Variants in TMEM17 observed in about 807,000 individuals in gnomAD.
TMEM17 encodes transmembrane protein 17.
Under a neutral mutation model 19.1 loss-of-function variants are expected in TMEM17, and 15 were observed. The ratio of observed to expected loss-of-function variants is 0.78; its 90% CI spans 0.52 to 1.21. The LOEUF (loss-of-function observed/expected upper bound fraction) is 1.21, where lower values mean the gene tolerates loss of function less well. Among genes scored for constraint, TMEM17 ranks in the 50% most tolerant of loss-of-function variants. The pLI is 0.00. For synonymous variants in TMEM17, 103 were observed against 86.9 expected (o/e 1.19, Z -1.03); for missense variants, 245 against 242.3 (o/e 1.01, Z -0.07).
At chr2:62,463,867 G>C in the TMEM17 span, 3 of 152,182 alleles carry the variant, frequency 2.0e-5, no homozygotes, top group African/African-American at 7.2e-5. Flanking sequence ...AGAAGCAGCG[G>C]GACATCAGGA....
At chr2:62,466,918 T>C in the TMEM17 span, among the ~76,000 whole-genome samples, 5 of 152,154 alleles carry the variant, frequency 3.3e-5, no homozygotes, top group African/African-American at 1.2e-4. Flanking sequence ...TGGCATCACC[T>C]GGGGACTCCT....
the TMEM17 span, among the ~76,000 whole-genome samples, chr2:62,481,382 CA>C: frequency 6.6e-6 from 1 of 152,168 alleles, no homozygotes; most frequent in Non-Finnish European, 1.5e-5. Context: ...ACGTTGTCTG[CA>C]ACTGACTTCC....
At chr2:62,461,991 G>T in the TMEM17 span, among the ~76,000 whole-genome samples, 1 of 152,244 alleles carries the variant, frequency 6.6e-6, no homozygotes, top group Admixed American at 6.5e-5. Context: ...CAGTGGGCTG[G>T]CATTACTGTA....
chr2:62,478,537 C>A, the TMEM17 span, among the ~76,000 whole-genome samples: 1 of 152,216 alleles, frequency 6.6e-6, no homozygotes, highest in Non-Finnish European at 1.5e-5. Context: ...TTTGAGGCAA[C>A]TAGACTGAAA....
the TMEM17 span, among the ~76,000 whole-genome samples, chr2:62,454,572 T>C: frequency 1.1e-4 from 17 of 152,346 alleles, no homozygotes; most frequent in Admixed American, 2.0e-4. Flanking sequence ...TCCATCATAC[T>C]GTAGGTTTTG....
At chr2:62,464,616 G>T in the TMEM17 span, among the ~76,000 whole-genome samples, 1 of 152,202 alleles carries the variant, frequency 6.6e-6, no homozygotes, top group Non-Finnish European at 1.5e-5. Flanking sequence ...AGACAGAGCC[G>T]ATTTATCAAG....
In TMEM17 at chr2:62,501,250, C is replaced by T. The variant is rs112787946; in HGVS notation, c.556G>A (p.Gly186Arg). ...CATGACCTCATCCTTCTCATGTCTC[C>T]TCTGTTTGCAGAGAGCCGGTCAAAG... ...QDFDRLSANR[G>R]DMRRMRSCIE... Residue 186 changes from glycine to arginine, a missense_variant, in exon 4 of 4, where the codon GGA (glycine) becomes AGA (arginine). Physicochemically the swap from Gly to Arg is moderately radical, Grantham distance 125 (BLOSUM62 -2). Coordinates refer to ENST00000335390, the MANE Select transcript of TMEM17 (RefSeq NM_198276.3). 5 of 1,614,072 alleles carry T rather than the reference C, an allele frequency of 3.1e-6. No individual in the cohort carries two copies. In the African/African-American group the frequency reaches 6.7e-5, roughly 22 times the overall value.
chr2:62,489,059 G>T, the TMEM17 span, among the ~76,000 whole-genome samples: 2 of 152,142 alleles, frequency 1.3e-5, no homozygotes, highest in South Asian at 2.1e-4. Flanking sequence ...ATCCCCTCAG[G>T]TATGAAAATG....
the TMEM17 span, among the ~76,000 whole-genome samples, chr2:62,487,882 C>A: frequency 4.6e-5 from 7 of 152,118 alleles, no homozygotes; most frequent in African/African-American, 1.7e-4. Flanking sequence ...TTAGTAGAGA[C>A]GGAGGTTTCA....
chr2:62,505,199 T>G (rs988657978), intron 1 of TMEM17, among the ~76,000 whole-genome samples: 2 of 152,096 alleles, frequency 1.3e-5, no homozygotes, highest in African/African-American at 4.8e-5. Flanking sequence ...CCCAGCAGAG[T>G]TGAATGATGA....
chr2:62,484,176 T>G, the TMEM17 span, among the ~76,000 whole-genome samples: 1 of 152,382 alleles, frequency 6.6e-6, no homozygotes, highest in East Asian at 1.9e-4. Context: ...CCAGACCATC[T>G]GCAGGGCCCT....
chr2:62,498,971 G>T (rs1033682239), downstream of TMEM17, among the ~76,000 whole-genome samples: 2 of 152,012 alleles, frequency 1.3e-5, no homozygotes, highest in African/African-American at 2.4e-5. Flanking sequence ...CTTATATAGG[G>T]AACCAGGTAT....
intron 2 of TMEM17, 55 bp from the exon 3 acceptor site, chr2:62,502,605 T>C: frequency 7.2e-7 from 1 of 1,382,332 alleles, no homozygotes; most frequent in Non-Finnish European, 9.6e-7. Flanking sequence ...AACATTGATT[T>C]AAGATAGAAA....
At chr2:62,463,939 T>G in the TMEM17 span, 1 of 152,146 alleles carries the variant, frequency 6.6e-6, no homozygotes, top group Non-Finnish European at 1.5e-5. Flanking sequence ...TGGTGTAACT[T>G]AGGAGAAGAA....
At chr2:62,489,449 A>G in the TMEM17 span, among the ~76,000 whole-genome samples, 2 of 152,222 alleles carry the variant, frequency 1.3e-5, no homozygotes, top group East Asian at 1.9e-4. Context: ...TTAGGATCAC[A>G]TGTTGACTCA....
the TMEM17 span, among the ~76,000 whole-genome samples, chr2:62,473,262 C>CGT: frequency 6.6e-6 from 1 of 152,120 alleles, no homozygotes; most frequent in African/African-American, 2.4e-5. Context: ...GATAAGAAAA[C>CGT]TAAGGTACTG....
intron 3 of TMEM17, chr2:62,502,179 A>G (rs1264555293): frequency 4.3e-6 from 1 of 233,122 alleles, no homozygotes; most frequent in Non-Finnish European, 8.4e-6. Context: ...TGTTTACTAC[A>G]TTCATATACT....
chr2:62,479,162 T>C, the TMEM17 span, among the ~76,000 whole-genome samples: 3 of 152,232 alleles, frequency 2.0e-5, no homozygotes, highest in Admixed American at 1.3e-4. Context: ...TAGAACTTAG[T>C]CCTCCTATCT....
At chr2:62,467,525 T>G in the TMEM17 span, among the ~76,000 whole-genome samples, 28 of 152,224 alleles carry the variant, frequency 1.8e-4, no homozygotes, top group Non-Finnish European at 3.1e-4. Context: ...CTCATAGAGA[T>G]AGAGTGGGCT....
Sources: gnomAD v4.1 joint callset for allele counts (sites outside exome capture counted in the v4.1 genomes callset) on GRCh38, gnomAD v4.1.1 for gene constraint, MANE v1.5 for transcripts, NCBI Gene and HGNC (gene_info 2026-07-23, HGNC 2026-07-21) for gene names.